NTSR2: variants seen among roughly 807,000 people sequenced by gnomAD.
NTSR2 encodes the protein neurotensin receptor type 2.
NTSR2 carries 22 observed loss-of-function variants against 24.1 expected under a neutral mutation model. The ratio of observed to expected loss-of-function variants is 0.91; its 90% CI spans 0.65 to 1.30. The LOEUF (loss-of-function observed/expected upper bound fraction) is 1.30, where lower values mean the gene tolerates loss of function less well. Ranked by LOEUF, NTSR2 falls within the 50% of genes most tolerant of loss-of-function variation. The pLI is 0.00. For missense variants in NTSR2, 570 were observed against 570.4 expected, an observed-to-expected ratio of 1.00 and a Z score of 0.01; for synonymous variants, 291 against 267.0, an observed-to-expected ratio of 1.09 and a Z score of -0.88.
intron 1 of NTSR2, 34 bp downstream of exon 1, chr2:11,669,443 TCCCTCCTCCCAGCACCGCCCCCCCACCCC>T: frequency 1.4e-6 from 1 of 725,872 alleles, no homozygotes; most frequent in Non-Finnish European, 2.0e-6. Context: ...GAGAGGGGGT[TCCCTCCTCCCAGCACCGCCCCCCCACCCC>T]CCCTCCCCCG....
At chr2:11,667,975 C>T (rs1041757218) in intron 1 of NTSR2, among the ~76,000 whole-genome samples, 1 of 152,090 alleles carries the variant, frequency 6.6e-6, no homozygotes, top group Non-Finnish European at 1.5e-5. Context: ...GAGAGAAGGC[C>T]CTGTTGCCAG....
In NTSR2 at chr2:11,669,638, G is replaced by T; in HGVS notation, c.492C>A (p.Leu164=). ...TGACGGCCATGGGCAGGGCGAGGCCGAGCGAGGCGGCCCACGAGAGCGCCA... is the reference window on the plus strand; with the variant it reads ...TGACGGCCATGGGCAGGGCGAGGCCTAGCGAGGCGGCCCACGAGAGCGCCA... ...WLVALSWAAS[L]GLALPMAVIM... is the part of the protein sequence containing the mutation. The change falls in exon 1 of 4, where the codon CTC becomes CTA. Residue 164 remains leucine (L), a synonymous_variant. Coordinates refer to ENST00000306928, the MANE Select transcript of NTSR2 (RefSeq NM_012344.4). 1 of 1,562,950 alleles carries T rather than the reference G, an allele frequency of 6.4e-7. No individual in the cohort carries two copies.
intron 1 of NTSR2, among the ~76,000 whole-genome samples, chr2:11,663,312 G>C (rs1661122356): frequency 6.6e-6 from 1 of 152,112 alleles, no homozygotes; most frequent in Non-Finnish European, 1.5e-5. Flanking sequence ...CTCCCAGGGG[G>C]CCCCCGTGCA....
At chr2:11,666,967 TGAAC>T (rs140932369) in intron 1 of NTSR2, among the ~76,000 whole-genome samples, 7,620 of 152,174 alleles carry the variant, frequency 0.05, 254 homozygotes, top group Non-Finnish European at 0.079. Flanking sequence ...GGAAAGAAGG[TGAAC>T]GTTTGTTGAG....
chr2:11,666,587 T>C lies in NTSR2; in HGVS notation c.624+2919A>G, dbSNP rs183151667. ...GGTGGCACGTGCCTGTAGTCTCAGC[T>C]ACTTGGGAGGCTGAGGCAGGAGAAT... On this transcript the variant is annotated intron_variant, in intron 1 of 3. Coordinates refer to ENST00000306928, the MANE Select transcript of NTSR2 (RefSeq NM_012344.4). Among the ~76,000 whole-genome samples the C allele has an allele frequency of 3.4e-4, 51 of 152,190 alleles. 1 individual carries two copies. Among genetic ancestry groups the C allele is most frequent in the African/African-American group, 4.3e-4 (18 of 41,526 alleles).
At position 11,658,212 on chromosome 2, in the gene NTSR2, G is replaced by A. The variant is rs539592729; in HGVS notation, c.*267C>T. 36 of 356,146 alleles carry A rather than the reference G, an allele frequency of 1.0e-4. No homozygotes were observed. Among genetic ancestry groups the A allele is most frequent in the African/African-American group, 3.7e-4 (18 of 48,244 alleles). The allele number at this position is 356,146 out of a possible 1,614,324, so 22.1% of individuals were successfully genotyped here. On this transcript the variant is annotated 3_prime_UTR_variant, in exon 4 of 4. Transcript: ENST00000306928. ...CAAAAATTTATTGAGCATCTACTAC[G>A]CACCAGGTTCTGTGCTAAGCACTTT...
intron 1 of NTSR2, 90 bp from the exon 2 acceptor site, chr2:11,662,330 AGCAGAAGGAGCG>A (rs1661092857): frequency 1.8e-5 from 22 of 1,235,498 alleles, no homozygotes; most frequent in Non-Finnish European, 2.2e-5. Flanking sequence ...AATCTGCATC[AGCAGAAGGAGCG>A]GCAGAAGGGT....
At chr2:11,664,512 A>G (rs1661153205) in intron 1 of NTSR2, among the ~76,000 whole-genome samples, 3 of 152,136 alleles carry the variant, frequency 2.0e-5, no homozygotes, top group Non-Finnish European at 4.4e-5. Flanking sequence ...ATGCCTTTTT[A>G]TCTTAATGCT....
Position 11,670,110 on chromosome 2 carries a change from C to A in NTSR2, c.20G>T (p.Arg7Leu). 1.4e-6 allele frequency: 2 copies of A among 1,387,772 alleles called. No homozygotes were observed. Among genetic ancestry groups the A allele is most frequent in the Admixed American group, 3.4e-5 (1 of 29,028 alleles). The allele number at this position is 1,387,772 out of a possible 1,614,324, so 86.0% of individuals were successfully genotyped here. Residue 7 changes from arginine (R) to leucine (L), a missense_variant, in exon 1 of 4, where the codon CGG (arginine) becomes CTG (leucine). Arg to Leu is a moderately radical substitution (Grantham distance 102). Coordinates refer to ENST00000306928, the MANE Select transcript of NTSR2 (RefSeq NM_012344.4). METSSP[R>L]PPRPSSNPGL... ...CGGGTTGGAGCTGGGCCGCGGGGGC[C>A]GCGGGCTGCTGGTTTCCATCCCGCT...
chr2:11,658,280 C>G lies in NTSR2; in HGVS notation c.*199G>C. ...AGAGATGGGTGCTGTTCTTTATCTC[C>G]ACTACACAGACGAGGGAGCCTGAGG... On this transcript the variant is annotated 3_prime_UTR_variant, in exon 4 of 4. Coordinates refer to ENST00000306928, the MANE Select transcript of NTSR2 (RefSeq NM_012344.4). 1 of 596,742 alleles carries G rather than the reference C, an allele frequency of 1.7e-6. No individual in the cohort carries two copies. Among genetic ancestry groups the G allele is most frequent in the Non-Finnish European group, 2.8e-6 (1 of 351,260 alleles). 37.0% of individuals were successfully genotyped at this position (596,742 alleles called of 1,614,324 possible). A position where few individuals can be genotyped will look rare whatever the true frequency, so the allele number is the denominator to read the frequency against.
chr2:11,662,722 A>C lies in NTSR2; in HGVS notation c.625-482T>G, dbSNP rs190711485. 3.3e-4 allele frequency among the ~76,000 whole-genome samples: 51 copies of C among 152,328 alleles called. 1 individual carries two copies. Among genetic ancestry groups the C allele is most frequent in the African/African-American group, 4.3e-4 (18 of 41,584 alleles). The stretch of plus-strand genomic sequence containing the variant: ...TGTGAACCCAGGAGGCGGAGCTTGC[A>C]GTGAGCCGAGATCATGCCACTGCAC... On this transcript the variant is annotated intron_variant, in intron 1 of 3. Transcript: ENST00000306928.
chr2:11,660,044 C>T lies in NTSR2; in HGVS notation c.988G>A (p.Asp330Asn). 1.2e-6 allele frequency: 2 copies of T among 1,612,904 alleles called. No homozygotes were observed. Among genetic ancestry groups the T allele is most frequent in the East Asian group, 2.2e-5 (1 of 44,856 alleles). Reference sequence around the variant, plus strand: ...CTAGGGTCCTTCTGCCACACTCACTCAGTCCACGCGTCATCAGGTACGTAG... The same window carrying T: ...CTAGGGTCCTTCTGCCACACTCACTTAGTCCACGCGTCATCAGGTACGTAG... ...YCYVPDDAWT[D>N]PLYNFYHYFY... Residue 330 changes from aspartate to asparagine, a missense_variant and splice_region_variant, in exon 3 of 4, where the codon GAC (aspartate) becomes AAC (asparagine). Asp to Asn is a conservative substitution (Grantham distance 23). Coordinates refer to ENST00000306928, the MANE Select transcript of NTSR2 (RefSeq NM_012344.4).
rs752482430 is a variant in NTSR2, at chr2:11,660,101, G to T, written c.931C>A (p.Leu311Met). ...AIVVMYVICW[L>M]PYHARRLMYC... ...ATGAGCCTGCGGGCATGGTACGGCA[G>T]CCAGCAGATGACATACATGACCACG... Residue 311 changes from leucine to methionine, a missense_variant, in exon 3 of 4, where the codon CTG becomes ATG. Leu to Met is a conservative substitution (Grantham distance 15, BLOSUM62 2). Coordinates refer to ENST00000306928, the MANE Select transcript of NTSR2 (RefSeq NM_012344.4). 5.0e-6 allele frequency: 8 copies of T among 1,613,670 alleles called. No individual in the cohort carries two copies. The highest frequency in any genetic ancestry group is 3.3e-5 in the South Asian group (3 of 91,086).
At position 11,669,564 on chromosome 2, in the gene NTSR2, G is replaced by C; in HGVS notation, c.566C>G (p.Pro189Arg). ...CAGCACCGTGCACACTCGCGAGGCG[G>C]GCTCCGGCTCCCCGTCCGCCGTCTC... ...ELETADGEPE[P>R]ASRVCTVLVS... The change falls in exon 1 of 4, where the codon CCC becomes CGC. Residue 189 changes from proline to arginine, a missense_variant. By Grantham distance (103) the Pro-to-Arg change is moderately radical (BLOSUM62 -2). Transcript: ENST00000306928. The C allele has an allele frequency of 1.3e-6, 2 of 1,564,894 alleles. No individual in the cohort carries two copies. The highest frequency in any genetic ancestry group is 1.7e-6 in the Non-Finnish European group (2 of 1,163,466).
rs770929971 is a variant in NTSR2, at chr2:11,658,714, T to C, written c.998A>G (p.Tyr333Cys). The change falls in exon 4 of 4, where the codon TAC becomes TGC. Residue 333 changes from tyrosine to cysteine, a missense_variant. By Grantham distance (194) the Tyr-to-Cys change is radical. Coordinates refer to ENST00000306928, the MANE Select transcript of NTSR2 (RefSeq NM_012344.4). ...CATGTAGAAGTAGTGGTAGAAATTGTACAGTGGGCTGCAAGAGAAACCCGG... is the reference window on the plus strand; with the variant it reads ...CATGTAGAAGTAGTGGTAGAAATTGCACAGTGGGCTGCAAGAGAAACCCGG... ...VPDDAWTDPLYNFYHYFYMVT... is the reference protein window; with the variant it reads ...VPDDAWTDPLCNFYHYFYMVT... 1 of 1,613,928 alleles carries C rather than the reference T, an allele frequency of 6.2e-7. No individual in the cohort carries two copies. Among genetic ancestry groups the C allele is most frequent in the Non-Finnish European group, 8.5e-7 (1 of 1,179,864 alleles).
chr2:11,660,114 A>T lies in NTSR2; in HGVS notation c.918T>A (p.Tyr306Ter). 6.2e-7 allele frequency: 1 copy of T among 1,613,616 alleles called. No homozygotes were observed. The highest frequency in any genetic ancestry group is 8.5e-7 in the Non-Finnish European group (1 of 1,179,908). The part of the protein sequence containing the change: ...VQVLRAIVVM[Y>*]VICWLPYHAR... Reference sequence around the variant, plus strand: ...CATGGTACGGCAGCCAGCAGATGACATACATGACCACGATGGCTCCTGCAG... The same window carrying T: ...CATGGTACGGCAGCCAGCAGATGACTTACATGACCACGATGGCTCCTGCAG... The change falls in exon 3 of 4, where the codon TAT becomes TAA. Residue 306 changes from tyrosine (Y) to a stop codon, truncating the protein, a stop_gained. Transcript: ENST00000306928. LOFTEE classifies it high-confidence loss of function.
intron 1 of NTSR2, among the ~76,000 whole-genome samples, chr2:11,664,201 C>G (rs1661143631): frequency 6.6e-6 from 1 of 151,448 alleles, no homozygotes; most frequent in Admixed American, 6.6e-5. Context: ...ACTGCAACCT[C>G]TGCCTCCTGG....
At chr2:11,660,655 T>A (rs1661050842) in intron 2 of NTSR2, among the ~76,000 whole-genome samples, 1 of 152,048 alleles carries the variant, frequency 6.6e-6, no homozygotes, top group Non-Finnish European at 1.5e-5. Context: ...GCAGGAGAAT[T>A]GCTTGAACCT....
intron 1 of NTSR2, among the ~76,000 whole-genome samples, chr2:11,666,783 T>G (rs1416564809): frequency 6.6e-6 from 1 of 151,402 alleles, no homozygotes; most frequent in Non-Finnish European, 1.5e-5. Context: ...GGAGGGAGCT[T>G]GATGATGAGT....
Sources: allele counts gnomAD v4.1 joint callset (sites outside exome capture counted in the v4.1 genomes callset), GRCh38; gene constraint gnomAD v4.1.1; transcripts MANE v1.5; gene names NCBI Gene and HGNC (gene_info 2026-07-23, HGNC 2026-07-21).